Variants in ADCY1 observed in about 807,000 individuals in gnomAD.
The protein encoded by ADCY1 is adenylate cyclase type 1.
Under a neutral mutation model 105.4 loss-of-function variants are expected in ADCY1, and 28 were observed. The ratio of observed to expected loss-of-function variants is 0.27; its 90% CI spans 0.20 to 0.36. The LOEUF (loss-of-function observed/expected upper bound fraction) is 0.36. Ranked by LOEUF, ADCY1 falls within the 10% of genes least tolerant of loss-of-function variation. ADCY1 has a pLI of 1.00. For missense variants in ADCY1, 977 were observed against 1,434.2 expected, an observed-to-expected ratio of 0.68 and a Z score of 5.15; for synonymous variants, 655 against 623.8, an observed-to-expected ratio of 1.05 and a Z score of -0.75.
rs1784638136 is a variant in ADCY1, at chr7:45,685,022, G to A, written c.2027G>A (p.Cys676Tyr). The A allele has an allele frequency of 1.2e-6, 2 of 1,614,106 alleles. No individual in the cohort carries two copies. Among genetic ancestry groups the A allele is most frequent in the African/African-American group, 1.3e-5 (1 of 74,938 alleles). The change falls in exon 12 of 20, where the codon TGT (cysteine) becomes TAT (tyrosine). Residue 676 changes from cysteine (C) to tyrosine (Y), a missense_variant. Physicochemically the swap from Cys to Tyr is radical, Grantham distance 194. Transcript: ENST00000297323. Reference protein sequence around the residue: ...CLTIQIRTVLCIFIVVLIYSV... With the variant: ...CLTIQIRTVLYIFIVVLIYSV... ...ACGATTCAGATTCGCACTGTCCTGTGTATTTTCATAGTGGTCTTAATCTAC... is the reference window on the plus strand; with the variant it reads ...ACGATTCAGATTCGCACTGTCCTGTATATTTTCATAGTGGTCTTAATCTAC...
chr7:45,623,035 C>T (rs760954963), intron 4 of ADCY1, among the ~76,000 whole-genome samples: 14 of 152,216 alleles, frequency 9.2e-5, no homozygotes, highest in Non-Finnish European at 1.6e-4. Flanking sequence ...TACGTAGGTA[C>T]GGGTCTGTCC....
chr7:45,716,029 CTT>C lies in ADCY1; in HGVS notation c.*2036_*2037del, dbSNP rs1351676070. On this transcript the variant is annotated 3_prime_UTR_variant, in exon 20 of 20. Transcript: ENST00000297323. Reference sequence around the variant, plus strand: ...GCTGACCCCATGGACCCACTGGAGACTTTGAGGGCAGAGCTCGGGCACCTTTC... The same window carrying C: ...GCTGACCCCATGGACCCACTGGAGACTGAGGGCAGAGCTCGGGCACCTTTC... The C allele has an allele frequency of 6.5e-6, 1 of 152,774 alleles. No individual in the cohort carries two copies. Among genetic ancestry groups the C allele is most frequent in the East Asian group, 1.9e-4 (1 of 5,182 alleles). 9.5% of individuals were successfully genotyped at this position (152,774 alleles called of 1,614,324 possible).
Position 45,648,808 on chromosome 7 carries a change from CG to C in ADCY1, c.1148+12del. ...GATTGATACCATCACGTAAGTACCC[CG>C]TGGGGCTGAGAGGAGTGGCCTGGGG... On this transcript the variant is annotated intron_variant, in intron 5 of 19. Coordinates refer to ENST00000297323, the MANE Select transcript of ADCY1 (RefSeq NM_021116.4). 6.2e-7 allele frequency: 1 copy of C among 1,613,376 alleles called. No individual in the cohort carries two copies. Among genetic ancestry groups the C allele is most frequent in the Non-Finnish European group, 8.5e-7 (1 of 1,179,432 alleles).
intron 4 of ADCY1, among the ~76,000 whole-genome samples, chr7:45,622,996 C>T (rs539605662): frequency 2.0e-4 from 31 of 152,334 alleles, no homozygotes; most frequent in Admixed American, 1.8e-3. Context: ...ATCGGGGCTT[C>T]CATGCAGAAG....
In ADCY1 at chr7:45,588,249, G is replaced by A. The variant is rs182228399; in HGVS notation, c.640-4510G>A. ...CCCTCCCCATCATTTGTGTGTGTGC[G>A]TGTGTGTGTGACACTTGCTTTACTT... On this transcript the variant is annotated intron_variant, in intron 1 of 19. Transcript: ENST00000297323. 5.9e-5 allele frequency among the ~76,000 whole-genome samples: 9 copies of A among 152,118 alleles called. No homozygotes were observed. In the East Asian group the frequency reaches 7.8e-4, roughly 13 times the overall value.
rs905164310 is a variant in ADCY1 at position 45,701,357 on chromosome 7, A to C, written c.2455-2019A>C. 3.3e-5 allele frequency among the ~76,000 whole-genome samples: 5 copies of C among 152,324 alleles called. No individual in the cohort carries two copies. The East Asian group carries it at 9.6e-4, about 29-fold the overall frequency. ...TATATGATGATTTGGGAAGGACAGC[A>C]GCTCTGATAGCCCATTAATCCAAAT... On this transcript the variant is annotated intron_variant, in intron 14 of 19. Coordinates refer to ENST00000297323, the MANE Select transcript of ADCY1 (RefSeq NM_021116.4).
chr7:45,574,577 G>A lies in ADCY1; in HGVS notation c.34G>A (p.Gly12Arg). 2.0e-6 allele frequency: 2 copies of A among 999,496 alleles called. No homozygotes were observed. Among genetic ancestry groups the A allele is most frequent in the Non-Finnish European group, 2.4e-6 (2 of 841,078 alleles). 61.9% of individuals were successfully genotyped at this position (999,496 alleles called of 1,614,324 possible). A position where few individuals can be genotyped will look rare whatever the true frequency, so the allele number is the denominator to read the frequency against. ...GGCGCCGCGCGGCGGAGGCGGCGGC[G>A]GAGGCGGCGCGGGCGAGCCCGGGGG... Reference protein sequence around the residue: ...AGAPRGGGGGGGGAGEPGGAE... With the variant: ...AGAPRGGGGGRGGAGEPGGAE... Residue 12 changes from glycine (G) to arginine (R), a missense_variant, in exon 1 of 20, where the codon GGA (glycine) becomes AGA (arginine). By Grantham distance (125) the Gly-to-Arg change is moderately radical. Transcript: ENST00000297323. This position sits in a 1 kb window ranked among gnomAD's most constrained non-coding sequence, Gnocchi z 7.0.
chr7:45,663,866 A>G (rs1034641771), intron 8 of ADCY1, among the ~76,000 whole-genome samples: 10 of 152,082 alleles, frequency 6.6e-5, no homozygotes, highest in African/African-American at 2.4e-4. Context: ...TTGCTCAAAC[A>G]TAGTAAGATG....
rs2280497 is a variant in ADCY1 at position 45,708,334 on chromosome 7, A to G, written c.2818-16A>G. 0.16 allele frequency: 255,280 copies of G among 1,597,230 alleles called. 21,705 individuals carry two copies. The highest frequency in any genetic ancestry group is 0.18 in the Middle Eastern group (1,076 of 5,992). ...TGCACTCCCCAGATGTAATGACCCC[A>G]TCTGTTTACACCTAGGCTAAGAAGT... is the stretch of plus-strand genomic sequence containing the variant. On this transcript the variant is annotated splice_polypyrimidine_tract_variant and intron_variant, in intron 17 of 19. Coordinates refer to ENST00000297323, the MANE Select transcript of ADCY1 (RefSeq NM_021116.4). The surrounding 1 kb of genome is among the most constrained non-coding windows in gnomAD (Gnocchi z 4.7).
At chr7:45,581,710 G>A (rs1042959481) in intron 1 of ADCY1, among the ~76,000 whole-genome samples, 3 of 152,158 alleles carry the variant, frequency 2.0e-5, no homozygotes, top group African/African-American at 4.8e-5. Context: ...ACCCTGAGGG[G>A]CTGAGCAAGG....
At chr7:45,664,168 T>A (rs1279105770) in intron 8 of ADCY1, 2 of 903,584 alleles carry the variant, frequency 2.2e-6, no homozygotes, top group African/African-American at 3.3e-5. Context: ...GCGTTCCTGC[T>A]AAAACTGGAT....
chr7:45,586,671 G>A (rs1792734262), intron 1 of ADCY1, among the ~76,000 whole-genome samples: 1 of 152,238 alleles, frequency 6.6e-6, no homozygotes, highest in Non-Finnish European at 1.5e-5. Context: ...TGTCACACCA[G>A]CACTCAGCCG....
chr7:45,574,716 A>T lies in ADCY1; in HGVS notation c.173A>T (p.Gln58Leu). ...LFRGYTLRLEQAATLKALAVL... is the reference protein window; with the variant it reads ...LFRGYTLRLELAATLKALAVL... Reference sequence around the variant, plus strand: ...CGCGGCTACACGCTGCGGCTGGAGCAGGCGGCCACGCTGAAGGCGCTGGCC... The same window carrying T: ...CGCGGCTACACGCTGCGGCTGGAGCTGGCGGCCACGCTGAAGGCGCTGGCC... The change falls in exon 1 of 20, where the codon CAG becomes CTG. Residue 58 changes from glutamine to leucine, a missense_variant. Gln to Leu is a moderately radical substitution (Grantham distance 113). This residue lies in a region of ADCY1 where 209 missense variants were observed against 222.5 expected (regional missense o/e 0.94). Transcript: ENST00000297323. The surrounding 1 kb of genome is among the most constrained non-coding windows in gnomAD (Gnocchi z 7.0). 2 of 1,409,822 alleles carry T rather than the reference A, an allele frequency of 1.4e-6. No individual in the cohort carries two copies. Among genetic ancestry groups the T allele is most frequent in the Non-Finnish European group, 1.8e-6 (2 of 1,088,694 alleles). 87.3% of individuals were successfully genotyped at this position (1,409,822 alleles called of 1,614,324 possible).
chr7:45,601,247 C>T (rs911636221), intron 2 of ADCY1, among the ~76,000 whole-genome samples: 1 of 151,906 alleles, frequency 6.6e-6, no homozygotes, highest in African/African-American at 2.4e-5. Context: ...TTCCTCCCTT[C>T]CCCCCCTGCT....
chr7:45,709,802 C>T (rs1785189939), intron 18 of ADCY1, among the ~76,000 whole-genome samples: 1 of 152,222 alleles, frequency 6.6e-6, no homozygotes, highest in Non-Finnish European at 1.5e-5. Context: ...CTCTGTCCTG[C>T]CGAGGACGGG....
chr7:45,668,600 T>C (rs1056344178), intron 8 of ADCY1, among the ~76,000 whole-genome samples: 1 of 152,200 alleles, frequency 6.6e-6, no homozygotes, highest in Non-Finnish European at 1.5e-5. Flanking sequence ...CTTTTTTTTG[T>C]TGTGTCTTTG....
At chr7:45,589,601 A>G (rs574857813) in intron 1 of ADCY1, among the ~76,000 whole-genome samples, 1 of 150,838 alleles carries the variant, frequency 6.6e-6, no homozygotes, top group South Asian at 2.1e-4. Flanking sequence ...CAGGTTTGGA[A>G]CTCTCAATTC....
At chr7:45,590,078 C>T (rs575277169) in intron 1 of ADCY1, among the ~76,000 whole-genome samples, 2 of 152,200 alleles carry the variant, frequency 1.3e-5, no homozygotes, top group East Asian at 1.9e-4. Flanking sequence ...AGGGGCACCT[C>T]CATATAGTGC....
chr7:45,644,050 A>C (rs183123864), intron 4 of ADCY1, among the ~76,000 whole-genome samples: 2 of 152,196 alleles, frequency 1.3e-5, no homozygotes, highest in Non-Finnish European at 2.9e-5. Flanking sequence ...CTGATAGCCA[A>C]ACACTCCAGT....
Sources: gnomAD v4.1 joint callset for allele counts (sites outside exome capture counted in the v4.1 genomes callset) on GRCh38, gnomAD v4.1.1 for gene constraint, gnomAD v4.1.1 regional missense constraint, Gnocchi (gnomAD v3.1) non-coding constraint, MANE v1.5 for transcripts, NCBI Gene and HGNC (gene_info 2026-07-23, HGNC 2026-07-21) for gene names.